The following TBC1D9B variants were observed in gnomAD, a reference collection of about 807,000 sequenced individuals.
TBC1D9B encodes TBC1 domain family member 9B.
TBC1D9B carries 87 observed loss-of-function variants against 121.1 expected under a neutral mutation model. The ratio of observed to expected loss-of-function variants is 0.72; its 90% CI spans 0.60 to 0.86. The LOEUF is 0.86. Ranked by LOEUF, TBC1D9B falls within the 40% of genes least tolerant of loss-of-function variation. The pLI, the probability that TBC1D9B is intolerant of heterozygous loss-of-function variation, is 0.00. For missense variants in TBC1D9B, 1,540 were observed against 1,628.6 expected (o/e 0.95, Z 0.94); for synonymous variants, 668 against 670.1 (o/e 1.00, Z 0.05).
At chr5:179,877,145 G>A (rs1049369630) in intron 10 of TBC1D9B, among the ~76,000 whole-genome samples, 3 of 149,790 alleles carry the variant, frequency 2.0e-5, no homozygotes, top group Admixed American at 2.0e-4. Flanking sequence ...AGCACTTTGA[G>A]AGGCTGAGGC....
At chr5:179,864,547 G>A (rs1582070597) in intron 20 of TBC1D9B, among the ~76,000 whole-genome samples, 1 of 150,172 alleles carries the variant, frequency 6.7e-6, no homozygotes, top group African/African-American at 2.4e-5. Flanking sequence ...AGGTGATGGT[G>A]AGGAAAATAC....
In TBC1D9B at chr5:179,907,745, A is replaced by G. The variant is rs1448365785; in HGVS notation, c.77T>C (p.Leu26Pro). Residue 26 changes from leucine to proline, a missense_variant, in exon 1 of 21, where the codon CTG (leucine) becomes CCG (proline). Transcript: ENST00000355235. This position sits in a 1 kb window ranked among gnomAD's most constrained non-coding sequence, Gnocchi z 5.3. ...VTERANPFFV[L>P]QRRRGHGRGG... ...CCTGCCGTGGCCCCGGCGTCGCTGCAGCACGAAGAAGGGGTTGGCCCGCTC... is the reference window on the plus strand; with the variant it reads ...CCTGCCGTGGCCCCGGCGTCGCTGCGGCACGAAGAAGGGGTTGGCCCGCTC... The G allele has an allele frequency of 1.7e-6, 2 of 1,203,094 alleles. No individual in the cohort carries two copies. The highest frequency in any genetic ancestry group is 2.1e-6 in the Non-Finnish European group (2 of 942,716). 74.5% of individuals were successfully genotyped at this position (1,203,094 alleles called of 1,614,324 possible).
At chr5:179,895,825 T>C (rs1220784458) in intron 3 of TBC1D9B, among the ~76,000 whole-genome samples, 2 of 152,228 alleles carry the variant, frequency 1.3e-5, no homozygotes, top group Non-Finnish European at 2.9e-5. Flanking sequence ...CTTCTATTTC[T>C]GAGTAGCCAG....
At position 179,870,580 on chromosome 5, in the gene TBC1D9B, C is replaced by T. The variant is rs569110681; in HGVS notation, c.2485-85G>A. On this transcript the variant is annotated intron_variant, in intron 15 of 20. Transcript: ENST00000355235. ...CTAGGCTGGTGGTGTGTCCACCCTCCCCCTCTGTCCAAGCCTGCGGAGCCC... is the reference window on the plus strand; with the variant it reads ...CTAGGCTGGTGGTGTGTCCACCCTCTCCCTCTGTCCAAGCCTGCGGAGCCC... 6.7e-5 allele frequency: 100 copies of T among 1,487,038 alleles called. 1 individual carries two copies. In the African/African-American group the frequency reaches 1.0e-3, roughly 15 times the overall value. 92.1% of individuals were successfully genotyped at this position (1,487,038 alleles called of 1,614,324 possible). A position where few individuals can be genotyped will look rare whatever the true frequency, so the allele number is the denominator to read the frequency against.
At chr5:179,893,115 T>G in intron 5 of TBC1D9B, 94 bp downstream of exon 5, 1 of 1,486,504 alleles carries the variant, frequency 6.7e-7, no homozygotes, top group Non-Finnish European at 8.9e-7. Context: ...GTGGACACCT[T>G]CTCCAGGTCT....
rs760160468 is a variant in TBC1D9B at position 179,876,000 on chromosome 5, C to T, written c.1820G>A (p.Gly607Asp). The change falls in exon 11 of 21, where the codon GGC becomes GAC. Residue 607 changes from glycine to aspartate, a missense_variant. Physicochemically the swap from Gly to Asp is moderately conservative, Grantham distance 94 (BLOSUM62 -1). Transcript: ENST00000355235. The surrounding 1 kb of genome is among the most constrained non-coding windows in gnomAD (Gnocchi z 4.5). ...NIVTSVLLLYGSEEEAFWLLV... is the reference protein window; with the variant it reads ...NIVTSVLLLYDSEEEAFWLLV... Reference sequence around the variant, plus strand: ...GAGCCAGAAGGCCTCCTCCTCACTGCCATAGAGCAGGAGCACCGAGGTCAC... The same window carrying T: ...GAGCCAGAAGGCCTCCTCCTCACTGTCATAGAGCAGGAGCACCGAGGTCAC... The T allele has an allele frequency of 9.9e-6, 16 of 1,612,698 alleles. No homozygotes were observed. In the South Asian group the frequency reaches 1.7e-4, roughly 17 times the overall value.
chr5:179,868,010 G>A, intron 17 of TBC1D9B, 161 bp from the exon 18 acceptor site: 1 of 519,270 alleles, frequency 1.9e-6, no homozygotes, highest in Non-Finnish European at 3.2e-6. Context: ...TTTTGATGGT[G>A]ATGATTGGTT....
intron 3 of TBC1D9B, among the ~76,000 whole-genome samples, chr5:179,897,571 C>T (rs1406358951): frequency 3.9e-5 from 6 of 152,132 alleles, no homozygotes; most frequent in East Asian, 1.9e-4. Context: ...GTGATCCGCC[C>T]GTCTTGGCCT....
In TBC1D9B at chr5:179,875,729, T is replaced by C. The variant is rs932057420; in HGVS notation, c.1900+191A>G. Among the ~76,000 whole-genome samples, 1 of 152,224 alleles carries C rather than the reference T, an allele frequency of 6.6e-6. No homozygotes were observed. The highest frequency in any genetic ancestry group is 1.5e-5 in the Non-Finnish European group (1 of 68,034). On this transcript the variant is annotated intron_variant, in intron 11 of 20. Coordinates refer to ENST00000355235, the MANE Select transcript of TBC1D9B (RefSeq NM_015043.4). The surrounding 1 kb of genome is among the most constrained non-coding windows in gnomAD (Gnocchi z 4.5). ...TTGAAATTTTCCATAATCAAAAAGT[T>C]GACAGGAAGTTAGATGGATAGGAAT... is the stretch of plus-strand genomic sequence containing the variant.
In TBC1D9B at chr5:179,874,983, A is replaced by T. The variant is rs774720027; in HGVS notation, c.2105T>A (p.Val702Glu). The change falls in exon 12 of 21, where the codon GTG becomes GAG. Residue 702 changes from valine to glutamate, a missense_variant. Val to Glu is a moderately radical substitution (Grantham distance 121, BLOSUM62 -2). Coordinates refer to ENST00000355235, the MANE Select transcript of TBC1D9B (RefSeq NM_015043.4). The surrounding 1 kb of genome is among the most constrained non-coding windows in gnomAD (Gnocchi z 4.3). ...FYEGIKVILQVALAVLDANME... is the reference protein window; with the variant it reads ...FYEGIKVILQEALAVLDANME... ...GTTGGCGTCCAGGACGGCCAGGGCC[A>T]CCTGCAGGATCACCTTGATGCCCTC... The T allele has an allele frequency of 6.2e-7, 1 of 1,613,898 alleles. No individual in the cohort carries two copies. The highest frequency in any genetic ancestry group is 8.5e-7 in the Non-Finnish European group (1 of 1,180,038).
chr5:179,870,314 C>T lies in TBC1D9B; in HGVS notation c.2666G>A (p.Arg889Lys). 1 of 1,613,920 alleles carries T rather than the reference C, an allele frequency of 6.2e-7. No individual in the cohort carries two copies. The highest frequency in any genetic ancestry group is 8.5e-7 in the Non-Finnish European group (1 of 1,180,028). ...CGAGTCCTTGTTTTCGTCCAGGAGC[C>T]TGAACATGCGCCCTGCCAGCAGAGG... ...HTPLLAGRMF[R>K]LLDENKDSLI... is the part of the protein sequence containing the mutation. Residue 889 changes from arginine to lysine, a missense_variant, in exon 16 of 21, where the codon AGG becomes AAG. Coordinates refer to ENST00000355235, the MANE Select transcript of TBC1D9B (RefSeq NM_015043.4).
chr5:179,868,800 G>C (rs1760097401), intron 17 of TBC1D9B: 1 of 152,594 alleles, frequency 6.6e-6, no homozygotes, highest in African/African-American at 2.4e-5. Flanking sequence ...AAGCCCAGCA[G>C]AGCCCAAGTG....
intron 15 of TBC1D9B, among the ~76,000 whole-genome samples, chr5:179,871,060 C>T (rs771325831): frequency 9.2e-5 from 14 of 152,180 alleles, no homozygotes; most frequent in Non-Finnish European, 1.5e-4. Flanking sequence ...GGAGCTGTGA[C>T]GACAGTCCTG....
rs1175774765 is a variant in TBC1D9B at position 179,874,921 on chromosome 5, C to T, written c.2167G>A (p.Ala723Thr). The change falls in exon 12 of 21, where the codon GCC (alanine) becomes ACC (threonine). Residue 723 changes from alanine to threonine, a missense_variant. Physicochemically the swap from Ala to Thr is moderately conservative, Grantham distance 58. Transcript: ENST00000355235. The surrounding 1 kb of genome is among the most constrained non-coding windows in gnomAD (Gnocchi z 4.3). ...QLLGCSDEGE[A>T]MTMLGRYLDN... Reference sequence around the variant, plus strand: ...TGTCACCTGCCCAGCATGGTCATGGCCTCGCCCTCGTCGCTGCAGCCCAGC... The same window carrying T: ...TGTCACCTGCCCAGCATGGTCATGGTCTCGCCCTCGTCGCTGCAGCCCAGC... The T allele has an allele frequency of 6.2e-7, 1 of 1,613,226 alleles. No homozygotes were observed. The highest frequency in any genetic ancestry group is 8.5e-7 in the Non-Finnish European group (1 of 1,180,028).
Position 179,896,462 on chromosome 5 carries a change from T to C in TBC1D9B, c.349-1848A>G, listed in dbSNP as rs115556906. Among the ~76,000 whole-genome samples the C allele has an allele frequency of 5.2e-3, 798 of 152,330 alleles. 8 individuals carry two copies. The highest frequency in any genetic ancestry group is 0.019 in the African/African-American group (770 of 41,558). On this transcript the variant is annotated intron_variant, in intron 3 of 20. Transcript: ENST00000355235. ...TTCTTTTAAGCCACTAAGTTGATGG[T>C]AATTTGTTGCAGAAGCAACTGGAAA... is the stretch of plus-strand genomic sequence containing the variant.
chr5:179,886,134 C>T (rs1760677254), intron 7 of TBC1D9B, among the ~76,000 whole-genome samples: 1 of 152,102 alleles, frequency 6.6e-6, no homozygotes, highest in Non-Finnish European at 1.5e-5. Flanking sequence ...AAAATGGAGC[C>T]CCCTTCTTTC....
chr5:179,893,113 C>G (rs605737), intron 5 of TBC1D9B, 96 bp downstream of exon 5: 58 of 1,482,512 alleles, frequency 3.9e-5, no homozygotes, highest in Non-Finnish European at 1.7e-5. Context: ...ATGTGGACAC[C>G]TTCTCCAGGT....
In TBC1D9B at chr5:179,865,863, T is replaced by C. The variant is rs1759992066; in HGVS notation, c.2889A>G (p.Glu963=). 6.2e-7 allele frequency: 1 copy of C among 1,612,700 alleles called. No homozygotes were observed. The highest frequency in any genetic ancestry group is 1.1e-5 in the South Asian group (1 of 90,918). Residue 963 remains glutamate, a synonymous_variant, in exon 19 of 21, where the codon GAA becomes GAG. Coordinates refer to ENST00000355235, the MANE Select transcript of TBC1D9B (RefSeq NM_015043.4). The surrounding 1 kb of genome is among the most constrained non-coding windows in gnomAD (Gnocchi z 5.1). ...SEEALPQEEQ[E]GSGSEERGEE... is the part of the protein sequence containing the mutation. ...CTCCTCTCTCCTCACTTCCACTTCCTTCTTGCTCTTCCTGTGGTAGTGCTT... is the reference window on the plus strand; with the variant it reads ...CTCCTCTCTCCTCACTTCCACTTCCCTCTTGCTCTTCCTGTGGTAGTGCTT...
Position 179,891,427 on chromosome 5 carries a change from G to GA in TBC1D9B, c.995dup (p.Ala333ArgfsTer24). 2 of 1,614,244 alleles carry GA rather than the reference G, an allele frequency of 1.2e-6. No homozygotes were observed. Among genetic ancestry groups the GA allele is most frequent in the Non-Finnish European group, 1.7e-6 (2 of 1,180,038 alleles). On this transcript the variant is annotated frameshift_variant, in exon 6 of 21. Coordinates refer to ENST00000355235, the MANE Select transcript of TBC1D9B (RefSeq NM_015043.4). LOFTEE classifies it high-confidence loss of function. This position sits in a 1 kb window ranked among gnomAD's most constrained non-coding sequence, Gnocchi z 4.3. ...GGCAAGCGTCCTCCTCCTTGCTGGC[G>GA]AAGCAGATGTAGTTGTTGGAGATGA...
Sources: allele counts gnomAD v4.1 joint callset (sites outside exome capture counted in the v4.1 genomes callset), GRCh38; gene constraint gnomAD v4.1.1; non-coding constraint Gnocchi (gnomAD v3.1); transcripts MANE v1.5; gene names NCBI Gene and HGNC (gene_info 2026-07-23, HGNC 2026-07-21).